CCAR1: variants seen among roughly 807,000 people sequenced by gnomAD.
CCAR1 encodes cell division cycle and apoptosis regulator 1, also known as cell division cycle and apoptosis regulator protein 1.
Under a neutral mutation model 163.8 loss-of-function variants are expected in CCAR1, and 78 were observed. The ratio of observed to expected loss-of-function variants is 0.48; its 90% CI spans 0.40 to 0.57. The LOEUF is 0.57. Ranked by LOEUF, CCAR1 falls within the 20% of genes least tolerant of loss-of-function variation. CCAR1 has a pLI of 0.00. For missense variants in CCAR1, 1,019 were observed against 1,365.2 expected (o/e 0.75, Z 4.00); for synonymous variants, 443 against 460.7 (o/e 0.96, Z 0.49).
chr10:68,747,135 C>CT (rs748115667), intron 6 of CCAR1, 26 bp from the exon 7 acceptor site: 432 of 1,193,134 alleles, frequency 3.6e-4, no homozygotes, highest in Non-Finnish European at 4.2e-4. Context: ...TTATATTTAA[C>CT]TTTTTTTTTC....
chr10:68,743,278 C>A (rs532691799), intron 6 of CCAR1, among the ~76,000 whole-genome samples: 1 of 151,320 alleles, frequency 6.6e-6, no homozygotes, highest in African/African-American at 2.4e-5. Flanking sequence ...CTCACGGCAA[C>A]CTCCACCTCC....
intron 2 of CCAR1, among the ~76,000 whole-genome samples, chr10:68,725,168 T>C (rs907685552): frequency 1.3e-5 from 2 of 150,834 alleles, no homozygotes; most frequent in African/African-American, 4.9e-5. Flanking sequence ...GTAAAAGCAG[T>C]AAAAGAACAT....
rs1832164193 is a variant in CCAR1 at position 68,755,520 on chromosome 10, A to T, written c.1609A>T (p.Ser537Cys). The T allele has an allele frequency of 6.2e-7, 1 of 1,613,776 alleles. No individual in the cohort carries two copies. Among genetic ancestry groups the T allele is most frequent in the Non-Finnish European group, 8.5e-7 (1 of 1,179,736 alleles). ...CCKALTGIDL[S>C]VCTQWYRFAE... ...TAAGGCTCTGACAGGCATTGATCTAAGTGTGTGCACACAATGGTAAGTACT... is the reference window on the plus strand; with the variant it reads ...TAAGGCTCTGACAGGCATTGATCTATGTGTGTGCACACAATGGTAAGTACT... The change falls in exon 13 of 25, where the codon AGT becomes TGT. Residue 537 changes from serine to cysteine, a missense_variant. Ser to Cys is a moderately radical substitution (Grantham distance 112). Transcript: ENST00000265872.
intron 19 of CCAR1, among the ~76,000 whole-genome samples, chr10:68,785,579 G>A (rs2056787053): frequency 6.6e-6 from 1 of 152,146 alleles, no homozygotes; most frequent in East Asian, 1.9e-4. Context: ...CTTTATTGCA[G>A]TACTTGCTTT....
intron 16 of CCAR1, among the ~76,000 whole-genome samples, 164 bp downstream of exon 16, chr10:68,761,356 G>A (rs1255143111): frequency 3.9e-5 from 6 of 151,994 alleles, no homozygotes; most frequent in Non-Finnish European, 8.8e-5. Flanking sequence ...GCCCAGGCTG[G>A]AGTGCAGTGG....
intron 2 of CCAR1, chr10:68,735,787 T>TTTAGATAACTCATAAC (rs2056101745): frequency 6.6e-6 from 1 of 152,108 alleles, no homozygotes; most frequent in South Asian, 2.1e-4. Context: ...AGTAACTGAA[T>TTTAGATAACTCATAAC]AACCGCTTTA....
chr10:68,746,333 G>A (rs12257302), intron 6 of CCAR1, among the ~76,000 whole-genome samples: 11,641 of 152,008 alleles, frequency 0.077, 1,243 homozygotes, highest in African/African-American at 0.24. Flanking sequence ...CTGGAGTGCG[G>A]TGGTGCGATC....
chr10:68,789,083 G>A (rs528099087), intron 23 of CCAR1, among the ~76,000 whole-genome samples: 2 of 151,518 alleles, frequency 1.3e-5, no homozygotes, highest in South Asian at 4.2e-4. Flanking sequence ...CTAATTTTTT[G>A]TATTTTTAGT....
At position 68,731,683 on chromosome 10, in the gene CCAR1, C is replaced by T. The variant is rs922911842; in HGVS notation, c.74-5193C>T. Among the ~76,000 whole-genome samples the T allele has an allele frequency of 6.2e-5, 9 of 145,850 alleles. No individual in the cohort carries two copies. The South Asian group carries it at 1.8e-3, about 29-fold the overall frequency. ...CAATCTCGGCTCACTGCAACCTCTACCTCCTGGGTTCAAACAAGTGCCTCA... is the reference window on the plus strand; with the variant it reads ...CAATCTCGGCTCACTGCAACCTCTATCTCCTGGGTTCAAACAAGTGCCTCA... On this transcript the variant is annotated intron_variant, in intron 2 of 24. Transcript: ENST00000265872.
intron 19 of CCAR1, 86 bp downstream of exon 19, chr10:68,773,185 T>C (rs1261201541): frequency 2.0e-5 from 14 of 692,844 alleles, no homozygotes; most frequent in Non-Finnish European, 2.9e-5. Context: ...ATCTATACTT[T>C]TAACATTTTT....
chr10:68,773,142 C>G (rs1445632991), intron 19 of CCAR1, 43 bp downstream of exon 19: 1 of 1,047,700 alleles, frequency 9.5e-7, no homozygotes, highest in Non-Finnish European at 1.4e-6. Flanking sequence ...GTTAAGAATA[C>G]ATTTTTTGTT....
intron 2 of CCAR1, among the ~76,000 whole-genome samples, chr10:68,723,230 T>A (rs1407086259): frequency 6.6e-6 from 1 of 151,364 alleles, no homozygotes; most frequent in African/African-American, 2.4e-5. Context: ...CACGCCATTC[T>A]CCTGCCTCAG....
At chr10:68,759,415 AAAAT>A (rs57856575) in intron 15 of CCAR1, 12,077 of 153,904 alleles carry the variant, frequency 0.078, 1,317 homozygotes, top group African/African-American at 0.25. Flanking sequence ...ATCCTGTCTA[AAAAT>A]AAATACATAT....
At chr10:68,728,300 ATTTT>A (rs34518553) in intron 2 of CCAR1, among the ~76,000 whole-genome samples, 2 of 147,108 alleles carry the variant, frequency 1.4e-5, no homozygotes, top group South Asian at 4.3e-4. Context: ...TCATTTTTTG[ATTTT>A]TTTTTTTTAA....
intron 23 of CCAR1, 38 bp downstream of exon 23, chr10:68,788,366 C>T: frequency 7.0e-7 from 1 of 1,435,676 alleles, no homozygotes; most frequent in Non-Finnish European, 9.3e-7. Flanking sequence ...ACTTTCAGCA[C>T]CCTGCTGGGA....
rs1253112632 is a variant in CCAR1 at position 68,786,672 on chromosome 10, C to A, written c.2860C>A (p.Leu954Ile). 1 of 1,594,348 alleles carries A rather than the reference C, an allele frequency of 6.3e-7. No individual in the cohort carries two copies. Among genetic ancestry groups the A allele is most frequent in the Non-Finnish European group, 8.5e-7 (1 of 1,174,380 alleles). Residue 954 changes from leucine (L) to isoleucine (I), a missense_variant, in exon 21 of 25, where the codon CTA (leucine) becomes ATA (isoleucine). Physicochemically the swap from Leu to Ile is conservative, Grantham distance 5. This residue lies in a region of CCAR1 where 358 missense variants were observed against 406.4 expected (regional missense o/e 0.88). Transcript: ENST00000265872. The part of the protein sequence containing the change: ...DLEEILYTLG[L>I]HLSRAQVKKL... ...GGAAGAAATACTTTATACTCTTGGA[C>A]TACATCTTTCTCGGGCTCAGGTAAT...
chr10:68,737,725 A>G (rs1162961), intron 3 of CCAR1, 120 bp from the exon 4 acceptor site: 415,161 of 480,588 alleles, frequency 0.86, 180,232 homozygotes, highest in African/African-American at 0.92. Flanking sequence ...TCAATGCCAC[A>G]CCAGAACAGA....
intron 24 of CCAR1, among the ~76,000 whole-genome samples, chr10:68,790,633 A>G (rs1345699458): frequency 6.6e-6 from 1 of 151,704 alleles, no homozygotes; most frequent in Non-Finnish European, 1.5e-5. Flanking sequence ...GGCTCACGTG[A>G]TCCTCCCACC....
In CCAR1 at chr10:68,756,216, G is replaced by A; in HGVS notation, c.1626-57G>A. On this transcript the variant is annotated intron_variant, in intron 13 of 24. Coordinates refer to ENST00000265872, the MANE Select transcript of CCAR1 (RefSeq NM_018237.4). The surrounding 1 kb of genome is among the most constrained non-coding windows in gnomAD (Gnocchi z 5.1). ...ACTTGATGTGCTACAAGTGAACTAG[G>A]GTCTTTAAAATGTATTTTAGAATTT... 7.2e-7 allele frequency: 1 copy of A among 1,392,298 alleles called. No homozygotes were observed. The highest frequency in any genetic ancestry group is 1.0e-6 in the Non-Finnish European group (1 of 989,432). The allele number at this position is 1,392,298 out of a possible 1,614,324, so 86.2% of individuals were successfully genotyped here.
Sources: gnomAD v4.1 joint callset for allele counts (sites outside exome capture counted in the v4.1 genomes callset) on GRCh38, gnomAD v4.1.1 for gene constraint, gnomAD v4.1.1 regional missense constraint, Gnocchi (gnomAD v3.1) non-coding constraint, MANE v1.5 for transcripts, NCBI Gene and HGNC (gene_info 2026-07-23, HGNC 2026-07-21) for gene names.